ZNF736: variants seen among roughly 807,000 people sequenced by gnomAD.
The protein encoded by ZNF736 is zinc finger protein 736, also known as KRAB-containing zinc-finger repressor protein.
In ZNF736, 6 loss-of-function variants were observed where a neutral mutation model predicts 11.7. That is an observed-to-expected ratio of 0.51 (90% CI 0.28 to 1.01). The LOEUF is 1.01. Ranked by LOEUF, ZNF736 falls within the 50% of genes least tolerant of loss-of-function variation. The pLI is 0.09. For synonymous variants in ZNF736, 139 were observed against 164.7 expected (o/e 0.84, Z 1.19); for missense variants, 444 against 496.0 (o/e 0.90, Z 1.00).
chr7:64,334,758 C>T (rs1335688566), intron 1 of ZNF736, among the ~76,000 whole-genome samples: 1 of 152,110 alleles, frequency 6.6e-6, no homozygotes, highest in Non-Finnish European at 1.5e-5. Flanking sequence ...ACCAGAAATA[C>T]CATTTGACCC....
chr7:64,315,887 T>A (rs1484201164), intron 1 of ZNF736, among the ~76,000 whole-genome samples: 1 of 152,226 alleles, frequency 6.6e-6, no homozygotes, highest in African/African-American at 2.4e-5. Context: ...TTGTTTATTT[T>A]TGTTTAACAG....
Position 64,355,321 on chromosome 7 carries a change from T to G in ZNF736, c.*6174T>G, listed in dbSNP as rs950799243. ...TAAAATATGGTTTTAGTCTTCCTTCTCTATATTCTGGCTTAGACAGAACTA... is the reference window on the plus strand; with the variant it reads ...TAAAATATGGTTTTAGTCTTCCTTCGCTATATTCTGGCTTAGACAGAACTA... On this transcript the variant is annotated 3_prime_UTR_variant, in exon 4 of 4. Transcript: ENST00000423484. The G allele has an allele frequency of 6.4e-6, 1 of 157,230 alleles. No homozygotes were observed. The highest frequency in any genetic ancestry group is 2.4e-5 in the African/African-American group (1 of 41,436). 9.7% of individuals were successfully genotyped at this position (157,230 alleles called of 1,614,324 possible).
intron 3 of ZNF736, among the ~76,000 whole-genome samples, chr7:64,345,673 G>T (rs934464367): frequency 6.9e-6 from 1 of 145,174 alleles, no homozygotes; most frequent in African/African-American, 2.6e-5. Context: ...GGTGGAGGTT[G>T]CAGTGAGCCG....
chr7:64,351,576 C>T lies in ZNF736; in HGVS notation c.*2429C>T, dbSNP rs1789489759. On this transcript the variant is annotated 3_prime_UTR_variant, in exon 4 of 4. Coordinates refer to ENST00000423484, the MANE Select transcript of ZNF736 (RefSeq NM_001170905.3). ...CAGACCAAGGAGTGCTCAGTTGGAC[C>T]AGCTTCTTCTGATTTGCAAGACCAT... is the stretch of plus-strand genomic sequence containing the variant. The T allele has an allele frequency of 6.6e-6, 1 of 152,242 alleles. No individual in the cohort carries two copies. Among genetic ancestry groups the T allele is most frequent in the Non-Finnish European group, 1.5e-5 (1 of 68,102 alleles). 9.4% of individuals were successfully genotyped at this position (152,242 alleles called of 1,614,324 possible). A position where few individuals can be genotyped will look rare whatever the true frequency, so the allele number is the denominator to read the frequency against.
intron 1 of ZNF736, among the ~76,000 whole-genome samples, chr7:64,335,266 A>G (rs1335663522): frequency 1.3e-5 from 2 of 152,178 alleles, no homozygotes; most frequent in African/African-American, 4.8e-5. Context: ...CTATGTAACA[A>G]ACCTGCACAT....
At chr7:64,326,805 C>T (rs1381772732) in intron 1 of ZNF736, among the ~76,000 whole-genome samples, 1 of 152,050 alleles carries the variant, frequency 6.6e-6, no homozygotes, top group Non-Finnish European at 1.5e-5. Context: ...TATTGGCCTA[C>T]TAGTCATTCA....
chr7:64,348,770 CAT>C lies in ZNF736; in HGVS notation c.909_910del (p.His303GlnfsTer13), dbSNP rs750997481. On this transcript the variant is annotated frameshift_variant, in exon 4 of 4. Transcript: ENST00000423484. LOFTEE classifies it low-confidence loss of function (END_TRUNC). The stretch of plus-strand genomic sequence containing the variant: ...TAGGTGGTTCTCAGACCTTGCTAAA[CAT>C]AAGATAATTCATACTGGAGACAAAC... ...AYRWFSDLAK[H>X]KIIHTGDKPY... 1 of 1,591,612 alleles carries C rather than the reference CAT, an allele frequency of 6.3e-7. No individual in the cohort carries two copies. The highest frequency in any genetic ancestry group is 8.6e-7 in the Non-Finnish European group (1 of 1,168,822).
At chr7:64,325,208 A>G (rs1435177563) in intron 1 of ZNF736, among the ~76,000 whole-genome samples, 2 of 152,214 alleles carry the variant, frequency 1.3e-5, no homozygotes, top group Non-Finnish European at 2.9e-5. Context: ...GTAACCAATT[A>G]ATTTTTTGTA....
chr7:64,316,877 G>A (rs568033880), intron 1 of ZNF736, among the ~76,000 whole-genome samples: 6 of 152,090 alleles, frequency 3.9e-5, no homozygotes, highest in Non-Finnish European at 5.9e-5. Context: ...GTTCTATTTA[G>A]CATGATTTCA....
intron 3 of ZNF736, among the ~76,000 whole-genome samples, chr7:64,344,651 T>A (rs1167937257): frequency 6.6e-6 from 1 of 152,200 alleles, no homozygotes; most frequent in Non-Finnish European, 1.5e-5. Context: ...CTGATTAATA[T>A]TCCCTTTTTT....
Position 64,351,206 on chromosome 7 carries a change from G to A in ZNF736, c.*2059G>A, listed in dbSNP as rs1789482790. The A allele has an allele frequency of 6.6e-6, 1 of 152,280 alleles. No homozygotes were observed. Among genetic ancestry groups the A allele is most frequent in the Admixed American group, 6.5e-5 (1 of 15,290 alleles). The allele number at this position is 152,280 out of a possible 1,614,324, so 9.4% of individuals were successfully genotyped here. A position where few individuals can be genotyped will look rare whatever the true frequency, so the allele number is the denominator to read the frequency against. On this transcript the variant is annotated 3_prime_UTR_variant, in exon 4 of 4. Transcript: ENST00000423484. ...CTGCACAGTGTTAGCACAAAGGCAG[G>A]GGTGGAGTTTTCTGGCTCTCTGCCC...
intron 3 of ZNF736, among the ~76,000 whole-genome samples, chr7:64,347,291 T>C (rs1408489738): frequency 2.1e-5 from 3 of 143,554 alleles, no homozygotes; most frequent in Non-Finnish European, 4.5e-5. Flanking sequence ...CAAGCTTGGC[T>C]CATTGCAACC....
chr7:64,330,533 T>A (rs1053373170), intron 1 of ZNF736, among the ~76,000 whole-genome samples: 2 of 151,950 alleles, frequency 1.3e-5, no homozygotes, highest in Non-Finnish European at 2.9e-5. Flanking sequence ...ATCAGAGACC[T>A]CAGGAGCTAC....
chr7:64,328,546 G>T (rs1022191452), intron 1 of ZNF736, among the ~76,000 whole-genome samples: 1 of 152,106 alleles, frequency 6.6e-6, no homozygotes, highest in Non-Finnish European at 1.5e-5. Flanking sequence ...GGATCACAAG[G>T]TCAGGAGATT....
At position 64,336,892 on chromosome 7, in the gene ZNF736, G is replaced by A. The variant is rs544906596; in HGVS notation, c.136G>A (p.Ala46Thr). 1.9e-6 allele frequency: 3 copies of A among 1,589,386 alleles called. No homozygotes were observed. Among genetic ancestry groups the A allele is most frequent in the Non-Finnish European group, 2.6e-6 (3 of 1,167,302 alleles). Reference sequence around the variant, plus strand: ...TTTTTTTTCTAATAAAACAGGTCTTGCTATCTTTAAGCCAGACTTGATGAC... The same window carrying A: ...TTTTTTTTCTAATAAAACAGGTCTTACTATCTTTAAGCCAGACTTGATGAC... The part of the protein sequence containing the change: ...NYGNLVSLGL[A>T]IFKPDLMTCL... The change falls in exon 3 of 4, where the codon GCT (alanine) becomes ACT (threonine). Residue 46 changes from alanine (A) to threonine (T), a missense_variant. By Grantham distance (58) the Ala-to-Thr change is moderately conservative (BLOSUM62 0). Transcript: ENST00000423484.
intron 3 of ZNF736, among the ~76,000 whole-genome samples, 176 bp from the exon 4 acceptor site, chr7:64,347,914 T>C (rs1463544176): frequency 6.6e-6 from 1 of 152,240 alleles, no homozygotes; most frequent in Non-Finnish European, 1.5e-5. Flanking sequence ...TAACTGGTTC[T>C]TAGACTTCTC....
intron 1 of ZNF736, among the ~76,000 whole-genome samples, chr7:64,328,473 G>A (rs1789112218): frequency 6.6e-6 from 1 of 151,902 alleles, no homozygotes; most frequent in South Asian, 2.1e-4. Context: ...AGATCTTCAG[G>A]TAGTCGGCCG....
At chr7:64,333,917 A>G (rs1289641944) in intron 1 of ZNF736, among the ~76,000 whole-genome samples, 1 of 152,214 alleles carries the variant, frequency 6.6e-6, no homozygotes, top group African/African-American at 2.4e-5. Context: ...CAGTAACCAA[A>G]ACAGCATGGT....
chr7:64,340,448 C>G (rs1789321259), intron 3 of ZNF736, among the ~76,000 whole-genome samples: 1 of 152,204 alleles, frequency 6.6e-6, no homozygotes, highest in South Asian at 2.1e-4. Flanking sequence ...ATTTCTTGAC[C>G]TGTAGCCAAA....
Sources: gnomAD v4.1 joint callset for allele counts (sites outside exome capture counted in the v4.1 genomes callset) on GRCh38, gnomAD v4.1.1 for gene constraint, MANE v1.5 for transcripts, NCBI Gene and HGNC (gene_info 2026-07-23, HGNC 2026-07-21) for gene names.